Variants in CPNE4 observed in about 807,000 individuals in gnomAD.
CPNE4 encodes the protein copine 4.
A neutral mutation model predicts 67.9 loss-of-function variants in CPNE4; 25 were observed. The observed-to-expected ratio is 0.37, with a 90% CI of 0.27 to 0.51. The LOEUF (loss-of-function observed/expected upper bound fraction) is 0.51. Ranked by LOEUF, CPNE4 falls within the 20% of genes least tolerant of loss-of-function variation. CPNE4 has a pLI of 0.93. For synonymous variants in CPNE4, 242 were observed against 244.9 expected, an observed-to-expected ratio of 0.99 and a Z score of 0.11; for missense variants, 464 against 690.8, an observed-to-expected ratio of 0.67 and a Z score of 3.68.
intron 2 of CPNE4, among the ~76,000 whole-genome samples, chr3:131,850,236 T>C (rs180945511): frequency 2.0e-5 from 3 of 152,240 alleles, no homozygotes; most frequent in East Asian, 1.9e-4. Context: ...AAAAATGCTC[T>C]CTAAGGGTTT....
At chr3:131,728,261 T>G (rs1025904216) in intron 2 of CPNE4, among the ~76,000 whole-genome samples, 1 of 152,184 alleles carries the variant, frequency 6.6e-6, no homozygotes, top group Non-Finnish European at 1.5e-5. Flanking sequence ...CTGTTTTCAT[T>G]CTTATAACAA....
intron 2 of CPNE4, among the ~76,000 whole-genome samples, chr3:131,817,246 G>A (rs73875031): frequency 0.01 from 1,591 of 152,226 alleles, 32 homozygotes; most frequent in African/African-American, 0.037. Context: ...TGCAGTTTGC[G>A]ATATTAAATG....
rs138075549 is a variant in CPNE4 at position 131,735,839 on chromosome 3, G to A, written c.181-12214C>T. Among the ~76,000 whole-genome samples, 473 of 152,182 alleles carry A rather than the reference G, an allele frequency of 3.1e-3. 4 individuals carry two copies. The highest frequency in any genetic ancestry group is 0.011 in the African/African-American group (458 of 41,522). On this transcript the variant is annotated intron_variant, in intron 2 of 15. Transcript: ENST00000429747. ...AATGAGACACCTATGAATGCATTTG[G>A]TATTTTGCCCAATTTCCATAGACCC... is the stretch of plus-strand genomic sequence containing the variant.
At chr3:131,978,185 A>ATTTATATAAATATATATAAAT (rs1404566633) in intron 1 of CPNE4, among the ~76,000 whole-genome samples, 1 of 59,738 alleles carries the variant, frequency 1.7e-5, no homozygotes, top group African/African-American at 1.1e-4. Flanking sequence ...AAATATATAT[A>ATTTATATAAATATATATAAAT]ATATATTTAT....
intron 2 of CPNE4, among the ~76,000 whole-genome samples, chr3:131,900,392 G>A (rs2088506724): frequency 6.6e-6 from 1 of 152,050 alleles, no homozygotes; most frequent in South Asian, 2.1e-4. Flanking sequence ...CACTGTTGGT[G>A]GGGATGTAAA....
chr3:131,640,279 G>C (rs896462519), intron 7 of CPNE4, among the ~76,000 whole-genome samples: 1 of 152,064 alleles, frequency 6.6e-6, no homozygotes, highest in Non-Finnish European at 1.5e-5. Flanking sequence ...CATCCAAAAA[G>C]CTCCCAGAAC....
intron 2 of CPNE4, among the ~76,000 whole-genome samples, chr3:131,888,084 T>A (rs9836141): frequency 0.29 from 43,831 of 152,140 alleles, 7,394 homozygotes; most frequent in Non-Finnish European, 0.37. Flanking sequence ...ATTGTGGAAC[T>A]GGAATAAGTA....
At chr3:131,776,743 C>T (rs920372678) in intron 2 of CPNE4, among the ~76,000 whole-genome samples, 2 of 152,080 alleles carry the variant, frequency 1.3e-5, no homozygotes, top group African/African-American at 4.8e-5. Context: ...TAATACAAAA[C>T]ATTTATTGCA....
At chr3:131,562,172 A>G (rs1936808756) in intron 11 of CPNE4, among the ~76,000 whole-genome samples, 1 of 151,996 alleles carries the variant, frequency 6.6e-6, no homozygotes, top group South Asian at 2.1e-4. Context: ...TTGAGGGAAC[A>G]AAAAATGCTC....
At chr3:131,604,722 T>A (rs1939399917) in intron 7 of CPNE4, among the ~76,000 whole-genome samples, 1 of 152,122 alleles carries the variant, frequency 6.6e-6, no homozygotes, top group African/African-American at 2.4e-5. Flanking sequence ...ATGGCTGTTG[T>A]GGGACCTTGT....
In CPNE4 at chr3:131,792,623, A is replaced by ATATATATATATATACACGTGTATATATG. The variant is rs1560321051; in HGVS notation, c.181-68999_181-68998insCATATATACACGTGTATATATATATATA. Among the ~76,000 whole-genome samples, 30 of 76,042 alleles carry ATATATATATATATACACGTGTATATATG rather than the reference A, an allele frequency of 3.9e-4. 1 individual carries two copies. The highest frequency in any genetic ancestry group is 1.4e-3 in the African/African-American group (29 of 20,426). The allele number at this position is 76,042 out of a possible 152,430, so 49.9% of individuals were successfully genotyped here. On this transcript the variant is annotated intron_variant, in intron 2 of 15. Transcript: ENST00000429747. Reference sequence around the variant, plus strand: ...TATATGTGTGTGTGTATATATGTATATATATATACACACGTGTATATATGT... The same window carrying ATATATATATATATACACGTGTATATATG: ...TATATGTGTGTGTGTATATATGTATATATATATATATATACACGTGTATATATGTATATATACACACGTGTATATATGT...
chr3:132,028,602 T>C (rs2074167699), intron 1 of CPNE4, among the ~76,000 whole-genome samples: 2 of 152,214 alleles, frequency 1.3e-5, no homozygotes, highest in African/African-American at 4.8e-5. Flanking sequence ...ACAGTGAACC[T>C]GTGTTAAGCT....
rs576113423 is a variant in CPNE4, at chr3:131,612,071, T to C, written c.682-24489A>G. On this transcript the variant is annotated intron_variant, in intron 7 of 15. Transcript: ENST00000429747. ...AGGAAGACTAAGATAACTGTCATAA[T>C]TCATTCCAGGAATAAAAATGGGCTG... is the stretch of plus-strand genomic sequence containing the variant. Among the ~76,000 whole-genome samples, 3 of 152,268 alleles carry C rather than the reference T, an allele frequency of 2.0e-5. No homozygotes were observed. The South Asian group carries it at 6.2e-4, about 32-fold the overall frequency.
At chr3:131,780,557 G>A (rs558512550) in intron 2 of CPNE4, among the ~76,000 whole-genome samples, 84 of 152,138 alleles carry the variant, frequency 5.5e-4, no homozygotes, top group African/African-American at 1.9e-3. Flanking sequence ...GCCGTTATCC[G>A]AAGCAAATTA....
chr3:131,629,894 C>T (rs987807757), intron 7 of CPNE4, among the ~76,000 whole-genome samples: 3 of 152,162 alleles, frequency 2.0e-5, no homozygotes, highest in Admixed American at 2.0e-4. Flanking sequence ...TGAATGTGGT[C>T]TCTCTCTCGT....
chr3:131,853,144 G>C (rs1218513352), intron 2 of CPNE4, among the ~76,000 whole-genome samples: 1 of 151,622 alleles, frequency 6.6e-6, no homozygotes. Flanking sequence ...AAGAATATTG[G>C]AGAGCTCAGA....
rs148157994 is a variant in CPNE4, at chr3:131,914,962, G to A, written c.-1-9518C>T. 2.2e-4 allele frequency among the ~76,000 whole-genome samples: 33 copies of A among 152,252 alleles called. No homozygotes were observed. In the East Asian group the frequency reaches 6.4e-3, roughly 29 times the overall value. The stretch of plus-strand genomic sequence containing the variant: ...CTGCACTCCAGCCTAGGCAACAAGA[G>A]TGAAATTCTGTCTCAAAATAAAATA... On this transcript the variant is annotated intron_variant, in intron 1 of 15. Transcript: ENST00000429747.
chr3:131,683,671 C>T (rs1056454686), intron 6 of CPNE4, among the ~76,000 whole-genome samples: 2 of 152,066 alleles, frequency 1.3e-5, no homozygotes, highest in Non-Finnish European at 2.9e-5. Flanking sequence ...TGGTGTCTCA[C>T]TAGGTTGTAT....
chr3:131,686,316 G>C (rs2080887893), intron 5 of CPNE4, among the ~76,000 whole-genome samples: 1 of 152,176 alleles, frequency 6.6e-6, no homozygotes, highest in South Asian at 2.1e-4. Flanking sequence ...CACTGTATCT[G>C]TTGTCTTAAA....
Sources: allele counts gnomAD v4.1 joint callset (sites outside exome capture counted in the v4.1 genomes callset), GRCh38; gene constraint gnomAD v4.1.1; transcripts MANE v1.5; gene names NCBI Gene and HGNC (gene_info 2026-07-23, HGNC 2026-07-21).